NFIA: variants seen among roughly 807,000 people sequenced by gnomAD.
NFIA encodes nuclear factor I A.
A neutral mutation model predicts 62.8 loss-of-function variants in NFIA; 8 were observed. That is an observed-to-expected ratio of 0.13 (90% CI 0.07 to 0.23). The LOEUF is 0.23. Ranked by LOEUF, NFIA falls within the 10% of genes least tolerant of loss-of-function variation. The pLI is 1.00. For synonymous variants in NFIA, 235 were observed against 238.1 expected, an observed-to-expected ratio of 0.99 and a Z score of 0.12; for missense variants, 410 against 642.1, an observed-to-expected ratio of 0.64 and a Z score of 3.91.
At chr1:61,114,254 G>A (rs893256711) in intron 2 of NFIA, among the ~76,000 whole-genome samples, 2 of 151,650 alleles carry the variant, frequency 1.3e-5, no homozygotes, top group African/African-American at 2.4e-5. Flanking sequence ...TTCTATATAC[G>A]TAGAAAGACC....
chr1:61,371,697 G>T (rs1048166521), intron 6 of NFIA, among the ~76,000 whole-genome samples: 4 of 152,124 alleles, frequency 2.6e-5, no homozygotes, highest in Non-Finnish European at 4.4e-5. Flanking sequence ...TTATTTGGTT[G>T]TCTTTCACAC....
At chr1:61,247,932 GTT>G (rs924783152) in intron 2 of NFIA, among the ~76,000 whole-genome samples, 20 of 151,990 alleles carry the variant, frequency 1.3e-4, no homozygotes, top group African/African-American at 4.6e-4. Context: ...GAGCTTTTTT[GTT>G]TTTTGGTGAG....
chr1:61,141,939 C>T (rs1269674912), intron 2 of NFIA, among the ~76,000 whole-genome samples: 3 of 152,282 alleles, frequency 2.0e-5, no homozygotes, highest in South Asian at 2.1e-4. Flanking sequence ...GAGGTGTTTG[C>T]GGCCATTCTA....
chr1:61,090,504 G>A (rs1480408962), intron 2 of NFIA, among the ~76,000 whole-genome samples: 2 of 152,040 alleles, frequency 1.3e-5, no homozygotes, highest in East Asian at 1.9e-4. Context: ...CAATCTTTTC[G>A]CTGTTCTCAT....
At chr1:61,396,805 C>T (rs952775594) in intron 7 of NFIA, among the ~76,000 whole-genome samples, 1 of 151,934 alleles carries the variant, frequency 6.6e-6, no homozygotes, top group Admixed American at 6.6e-5. Flanking sequence ...TTCAAGACCA[C>T]GCTGGGCAAC....
chr1:61,186,960 C>T (rs950730875), intron 2 of NFIA, among the ~76,000 whole-genome samples: 6 of 152,174 alleles, frequency 3.9e-5, no homozygotes, highest in Admixed American at 1.3e-4. Context: ...CCTGCTTAGT[C>T]ACTTTGGCAT....
chr1:61,199,611 G>A (rs1164167467), intron 2 of NFIA, among the ~76,000 whole-genome samples: 2 of 152,140 alleles, frequency 1.3e-5, no homozygotes, highest in African/African-American at 4.8e-5. Context: ...GTTTTTTCTG[G>A]TTCCTTCTAA....
At chr1:61,081,711 C>G (rs1646097734), upstream of NFIA, 1 of 640,032 alleles carries the variant, frequency 1.6e-6, no homozygotes. Context: ...CCCCGCCCCC[C>G]AAATCCGGTG....
rs199806380 is a variant in NFIA, at chr1:61,406,554, C to T, written c.1255-8C>T. ...TACGTGTGTTTTCTGCCCCCCCCCC[C>T]CCCACAGCCCAATGGGAGCAGCCAA... On this transcript the variant is annotated splice_polypyrimidine_tract_variant and splice_region_variant and intron_variant, in intron 8 of 10. Coordinates refer to ENST00000403491, the MANE Select transcript of NFIA (RefSeq NM_001134673.4). The T allele has an allele frequency of 4.1e-5, 56 of 1,380,624 alleles. No homozygotes were observed. In the East Asian group the frequency reaches 6.2e-4, roughly 15 times the overall value. The allele number at this position is 1,380,624 out of a possible 1,614,324, so 85.5% of individuals were successfully genotyped here.
At chr1:61,177,042 C>T (rs1460978379) in intron 2 of NFIA, among the ~76,000 whole-genome samples, 2 of 151,794 alleles carry the variant, frequency 1.3e-5, no homozygotes, top group Non-Finnish European at 2.9e-5. Flanking sequence ...GGAGGCAGAG[C>T]TTGCAGTGAG....
At chr1:61,349,759 A>ATTTTTTTTTTTTTTTTT (rs1662448633) in intron 4 of NFIA, among the ~76,000 whole-genome samples, 1 of 151,874 alleles carries the variant, frequency 6.6e-6, no homozygotes, top group African/African-American at 2.4e-5. Context: ...TTTAAAAAAA[A>ATTTTTTTTTTTTTTTTT]TATTTTTTTT....
rs1469042397 is a variant in NFIA, at chr1:61,461,443, T to G, written c.*6123T>G. ...GATTTTTTTAATATACTTTTTTTGG[T>G]CTAAATTTGAAATTACTTGCTTCCC... On this transcript the variant is annotated 3_prime_UTR_variant, in exon 11 of 11. Transcript: ENST00000403491. 1 of 152,202 alleles carries G rather than the reference T, an allele frequency of 6.6e-6. No individual in the cohort carries two copies. Among genetic ancestry groups the G allele is most frequent in the Non-Finnish European group, 1.5e-5 (1 of 68,032 alleles). The allele number at this position is 152,202 out of a possible 1,614,324, so 9.4% of individuals were successfully genotyped here.
intron 2 of NFIA, chr1:61,253,393 C>T (rs932223212): frequency 5.3e-5 from 8 of 152,210 alleles, no homozygotes; most frequent in African/African-American, 1.4e-4. Flanking sequence ...AGAAGTTAGT[C>T]CTTGAGGTAG....
intron 2 of NFIA, among the ~76,000 whole-genome samples, chr1:61,190,216 G>T (rs1651524610): frequency 6.6e-6 from 1 of 152,124 alleles, no homozygotes; most frequent in African/African-American, 2.4e-5. Context: ...TGACACTAGA[G>T]GCCACGGTCT....
chr1:61,378,157 G>C (rs1664239537), intron 6 of NFIA, among the ~76,000 whole-genome samples: 1 of 152,034 alleles, frequency 6.6e-6, no homozygotes, highest in Non-Finnish European at 1.5e-5. Flanking sequence ...ATTATGATTG[G>C]TTTTCTTCTT....
chr1:61,453,513 G>A (rs1410578366), intron 10 of NFIA, among the ~76,000 whole-genome samples: 1 of 121,668 alleles, frequency 8.2e-6, no homozygotes, highest in Non-Finnish European at 1.6e-5. Flanking sequence ...GATTTTTGTA[G>A]TGCCCTGAGG....
intron 3 of NFIA, among the ~76,000 whole-genome samples, chr1:61,300,948 G>C (rs1469051524): frequency 6.6e-6 from 1 of 151,924 alleles, no homozygotes; most frequent in Non-Finnish European, 1.5e-5. Flanking sequence ...TTGAACAAAG[G>C]TTCTACCATA....
At chr1:61,176,116 G>A (rs1270901211) in intron 2 of NFIA, among the ~76,000 whole-genome samples, 1 of 152,188 alleles carries the variant, frequency 6.6e-6, no homozygotes, top group Non-Finnish European at 1.5e-5. Context: ...TCCAGCAGTT[G>A]TGCCTAGTTC....
chr1:61,131,126 GT>G (rs1456682264), intron 2 of NFIA, among the ~76,000 whole-genome samples: 1 of 148,804 alleles, frequency 6.7e-6, no homozygotes, highest in Non-Finnish European at 1.5e-5. Flanking sequence ...CTTGACTGTG[GT>G]AAAACATTTC....
Sources: gnomAD v4.1 joint callset for allele counts (sites outside exome capture counted in the v4.1 genomes callset) on GRCh38, gnomAD v4.1.1 for gene constraint, MANE v1.5 for transcripts, NCBI Gene and HGNC (gene_info 2026-07-23, HGNC 2026-07-21) for gene names.